CD72: variants seen among roughly 807,000 people sequenced by gnomAD.
CD72 encodes B-cell differentiation antigen CD72.
Under a neutral mutation model 50.7 loss-of-function variants are expected in CD72, and 28 were observed. The ratio of observed to expected loss-of-function variants is 0.55; its 90% CI spans 0.41 to 0.76. The LOEUF is 0.76. CD72 is among the 30% of genes least tolerant of loss of function. CD72 has a pLI of 0.00. For synonymous variants in CD72, 176 were observed against 171.2 expected, an observed-to-expected ratio of 1.03 and a Z score of -0.22; for missense variants, 403 against 420.6, an observed-to-expected ratio of 0.96 and a Z score of 0.37.
chr9:35,629,168 C>T (rs778021532), intron 1 of CD72, among the ~76,000 whole-genome samples: 7 of 152,254 alleles, frequency 4.6e-5, no homozygotes, highest in Non-Finnish European at 7.4e-5. Context: ...TGAGCCACTG[C>T]GCCCGGCAGG....
At chr9:35,611,403 G>A (rs1222563104) in intron 7 of CD72, among the ~76,000 whole-genome samples, 3 of 152,172 alleles carry the variant, frequency 2.0e-5, no homozygotes, top group Non-Finnish European at 2.9e-5. Context: ...GCTCCCTTGC[G>A]TACTTCACTG....
At chr9:35,619,871 A>G (rs1353906494), upstream of CD72, among the ~76,000 whole-genome samples, 4 of 152,182 alleles carry the variant, frequency 2.6e-5, no homozygotes, top group Admixed American at 1.3e-4. Context: ...AGATCCTACA[A>G]GTATTTCCTT....
Position 35,616,613 on chromosome 9 carries a change from G to A in CD72, c.339C>T (p.Cys113=). ...TCLLLGVTAI[C]LGVRYLQVSQ... ...AGCCTTACTCACAGCGCACTCCCAG[G>A]CAGATGGCGGTCACTCCTAACAGCA... The change falls in exon 4 of 9, where the codon TGC becomes TGT. Residue 113 remains cysteine, a synonymous_variant. Transcript: ENST00000259633. 1 of 1,613,750 alleles carries A rather than the reference G, an allele frequency of 6.2e-7. No individual in the cohort carries two copies. The highest frequency in any genetic ancestry group is 1.1e-5 in the South Asian group (1 of 91,072).
intron 1 of CD72, among the ~76,000 whole-genome samples, chr9:35,633,458 G>A (rs1362775406): frequency 1.3e-5 from 2 of 151,798 alleles, no homozygotes; most frequent in Non-Finnish European, 2.9e-5. Context: ...CTCATGTTAC[G>A]CTGTTTTCTC....
chr9:35,633,877 G>A lies in CD72; in HGVS notation n.408+12526C>T, dbSNP rs148191732. On this transcript the variant is annotated intron_variant and non_coding_transcript_variant, in intron 1 of 3. Transcript: ENST00000465754. ...TCCTAAGTTAAACCATTGTTAAGTC[G>A]GGGATTGTCTGTATATAGCCTCTGG... Among the ~76,000 whole-genome samples, 707 of 152,206 alleles carry A rather than the reference G, an allele frequency of 4.6e-3. 4 individuals are homozygous for A. Among genetic ancestry groups the A allele is most frequent in the African/African-American group, 0.016 (668 of 41,528 alleles).
intron 1 of CD72, chr9:35,643,648 G>A: frequency 6.6e-6 from 1 of 152,194 alleles, no homozygotes; most frequent in Admixed American, 6.5e-5. Context: ...AGCCGAAAGG[G>A]AGTGATGAGT....
chr9:35,620,606 G>A (rs1486805929), upstream of CD72, among the ~76,000 whole-genome samples: 3 of 152,122 alleles, frequency 2.0e-5, no homozygotes, highest in Non-Finnish European at 4.4e-5. Flanking sequence ...TGAGGTGGGC[G>A]GATCACCTGA....
intron 5 of CD72, among the ~76,000 whole-genome samples, chr9:35,614,354 G>T (rs1239215550): frequency 6.6e-6 from 1 of 152,208 alleles, no homozygotes; most frequent in East Asian, 1.9e-4. Context: ...GGACTGCAGG[G>T]AGAGGAGTGA....
At chr9:35,613,089 A>C in intron 5 of CD72, 96 bp from the exon 6 acceptor site, 7 of 1,031,204 alleles carry the variant, frequency 6.8e-6, no homozygotes, top group Non-Finnish European at 1.0e-5. Flanking sequence ...AGCTAATCTC[A>C]GCACCTTCAT....
chr9:35,615,867 G>A, intron 5 of CD72, 76 bp downstream of exon 5: 2 of 1,189,510 alleles, frequency 1.7e-6, no homozygotes, highest in South Asian at 2.7e-5. Context: ...CAGGCCCCTG[G>A]GTGATAGACT....
intron 1 of CD72, among the ~76,000 whole-genome samples, chr9:35,634,627 A>G (rs2131785748): frequency 6.6e-6 from 1 of 152,324 alleles, no homozygotes; most frequent in East Asian, 1.9e-4. Flanking sequence ...TGCTGGGATT[A>G]CAGGCGTGAG....
upstream of CD72, chr9:35,619,432 C>T (rs2131772354): frequency 6.6e-6 from 1 of 152,348 alleles, no homozygotes; most frequent in Non-Finnish European, 1.5e-5. Context: ...GAACCCGCCC[C>T]TAGCAAAGTG....
chr9:35,616,306 G>T, intron 4 of CD72, 28 bp from the exon 5 acceptor site: 2 of 1,564,068 alleles, frequency 1.3e-6, no homozygotes, highest in Non-Finnish European at 1.8e-6. Flanking sequence ...TTTGGTGGAT[G>T]TCTTCTCCAG....
intron 3 of CD72, chr9:35,616,925 G>A: frequency 1.5e-6 from 2 of 1,369,128 alleles, no homozygotes; most frequent in South Asian, 1.5e-5. Context: ...TGGGAGAAGG[G>A]GAAGGAAATA....
chr9:35,630,875 G>A (rs948178127), intron 1 of CD72, among the ~76,000 whole-genome samples: 3 of 152,084 alleles, frequency 2.0e-5, no homozygotes, highest in East Asian at 1.9e-4. Context: ...ATAAACCTGC[G>A]CAACATGGCA....
At chr9:35,629,772 A>T (rs1823226423) in intron 1 of CD72, among the ~76,000 whole-genome samples, 1 of 152,214 alleles carries the variant, frequency 6.6e-6, no homozygotes, top group African/African-American at 2.4e-5. Flanking sequence ...TTTACCCACC[A>T]TGCTCTGCTG....
At chr9:35,637,641 C>T (rs918695138) in intron 1 of CD72, among the ~76,000 whole-genome samples, 8 of 152,156 alleles carry the variant, frequency 5.3e-5, no homozygotes, top group South Asian at 2.1e-4. Context: ...CCCAAAACTC[C>T]GGCGCTGGTC....
intron 1 of CD72, among the ~76,000 whole-genome samples, chr9:35,643,849 G>A (rs562113845): frequency 2.0e-5 from 3 of 151,938 alleles, no homozygotes; most frequent in Admixed American, 6.6e-5. Context: ...GTATTGGCAC[G>A]CCCCAATAAT....
upstream of CD72, among the ~76,000 whole-genome samples, chr9:35,621,367 G>A (rs897340815): frequency 6.6e-6 from 1 of 152,178 alleles, no homozygotes; most frequent in Non-Finnish European, 1.5e-5. Flanking sequence ...GTGGAAGGGG[G>A]CTCACCTGAT....
Sources: gnomAD v4.1 joint callset for allele counts (sites outside exome capture counted in the v4.1 genomes callset) on GRCh38, gnomAD v4.1.1 for gene constraint, MANE v1.5 for transcripts, NCBI Gene and HGNC (gene_info 2026-07-23, HGNC 2026-07-21) for gene names.